Variants in CMIP observed in about 807,000 individuals in gnomAD.
The protein encoded by CMIP is C-Maf-inducing protein.
Under a neutral mutation model 97.3 loss-of-function variants are expected in CMIP, and 13 were observed. The ratio of observed to expected loss-of-function variants is 0.13; its 90% CI spans 0.09 to 0.21. The LOEUF is 0.21. Ranked by LOEUF, CMIP falls within the 10% of genes least tolerant of loss-of-function variation. CMIP has a pLI of 1.00. For missense variants in CMIP, 847 were observed against 1,024.9 expected, an observed-to-expected ratio of 0.83 and a Z score of 2.37; for synonymous variants, 538 against 436.3, an observed-to-expected ratio of 1.23 and a Z score of -2.91.
chr16:81,461,198 C>T (rs1310839473), intron 1 of CMIP, among the ~76,000 whole-genome samples: 1 of 152,204 alleles, frequency 6.6e-6, no homozygotes, highest in East Asian at 1.9e-4. Context: ...TGTGGCAGGG[C>T]TGTGTGCATG....
chr16:81,648,746 A>G (rs566053180), intron 3 of CMIP, among the ~76,000 whole-genome samples: 3 of 133,768 alleles, frequency 2.2e-5, no homozygotes, highest in Non-Finnish European at 3.1e-5. Context: ...TCTCACCACT[A>G]CACTCCAGCT....
intron 1 of CMIP, among the ~76,000 whole-genome samples, chr16:81,496,966 A>G (rs865846856): frequency 7.2e-5 from 11 of 152,378 alleles, no homozygotes; most frequent in Middle Eastern, 6.8e-3. Flanking sequence ...TGGGGGGTTC[A>G]ACAGTTGGAA....
intron 5 of CMIP, among the ~76,000 whole-genome samples, chr16:81,659,478 G>C (rs985796994): frequency 6.6e-6 from 1 of 152,190 alleles, no homozygotes; most frequent in Admixed American, 6.5e-5. Flanking sequence ...ATAGATAGGA[G>C]AATGTCAGGT....
intron 14 of CMIP, chr16:81,697,629 A>G (rs983619865): frequency 6.6e-6 from 1 of 152,180 alleles, no homozygotes; most frequent in African/African-American, 2.4e-5. Context: ...ATCGCATGCA[A>G]CAGTAGATGC....
chr16:81,589,041 A>G (rs1268839338), intron 1 of CMIP, among the ~76,000 whole-genome samples: 1 of 151,818 alleles, frequency 6.6e-6, no homozygotes, highest in Non-Finnish European at 1.5e-5. Flanking sequence ...GGCCATAAAC[A>G]TATTCCGGTG....
chr16:81,445,611 C>A, intron 1 of CMIP, 70 bp downstream of exon 1: 2 of 1,475,674 alleles, frequency 1.4e-6, no homozygotes, highest in African/African-American at 1.4e-5. Flanking sequence ...CTGGCTGCCC[C>A]CTGGCGCTGC....
intron 3 of CMIP, among the ~76,000 whole-genome samples, chr16:81,650,388 A>G (rs1425178112): frequency 1.3e-5 from 2 of 152,216 alleles, no homozygotes; most frequent in Non-Finnish European, 2.9e-5. Flanking sequence ...GAGGAAAGAA[A>G]GGTGGGCAGG....
Position 81,709,576 on chromosome 16 carries a change from G to C in CMIP, c.2269-170G>C, listed in dbSNP as rs1165477018. On this transcript the variant is annotated intron_variant, in intron 20 of 20. Coordinates refer to ENST00000537098, the MANE Select transcript of CMIP (RefSeq NM_198390.3). ...GGCCAGGGCACATCCCACCTGCTCT[G>C]TTCTCTGCCTAAGGCCACCCACCCC... 2.6e-5 allele frequency among the ~76,000 whole-genome samples: 4 copies of C among 152,222 alleles called. No homozygotes were observed. The East Asian group carries it at 7.7e-4, about 29-fold the overall frequency.
intron 9 of CMIP, 142 bp downstream of exon 9, chr16:81,672,212 G>C (rs2092689459): frequency 3.6e-6 from 2 of 554,586 alleles, no homozygotes; most frequent in African/African-American, 1.9e-5. Context: ...GTGTTTGCCA[G>C]TTCCCCTGGG....
At chr16:81,542,962 T>G (rs190326673) in intron 1 of CMIP, among the ~76,000 whole-genome samples, 22 of 152,330 alleles carry the variant, frequency 1.4e-4, no homozygotes, top group African/African-American at 5.3e-4. Context: ...TAGCTTGACT[T>G]GTGGCTTCAC....
chr16:81,709,437 G>T (rs1196861507), intron 20 of CMIP, among the ~76,000 whole-genome samples: 1 of 152,298 alleles, frequency 6.6e-6, no homozygotes, highest in Non-Finnish European at 1.5e-5. Flanking sequence ...CCACGGTCAC[G>T]CAGCAGCAAG....
chr16:81,533,150 A>G (rs559104145), intron 1 of CMIP, among the ~76,000 whole-genome samples: 1 of 152,122 alleles, frequency 6.6e-6, no homozygotes, highest in Non-Finnish European at 1.5e-5. Context: ...TCTCCTGAGC[A>G]TATGTTATCA....
intron 1 of CMIP, among the ~76,000 whole-genome samples, chr16:81,504,662 A>AAAAAAAC (rs2089674627): frequency 7.0e-6 from 1 of 142,528 alleles, no homozygotes; most frequent in African/African-American, 2.5e-5. Context: ...AAAAAAAAAA[A>AAAAAAAC]AAAAGAAAAG....
chr16:81,680,530 G>T (rs1904770568), intron 10 of CMIP, among the ~76,000 whole-genome samples: 1 of 152,216 alleles, frequency 6.6e-6, no homozygotes. Context: ...AAAGGGTGGG[G>T]TGTGCCCAGG....
intron 1 of CMIP, among the ~76,000 whole-genome samples, chr16:81,567,460 C>T (rs1308523644): frequency 6.6e-6 from 1 of 152,254 alleles, no homozygotes; most frequent in African/African-American, 2.4e-5. Flanking sequence ...CTCAGGAAAA[C>T]AGTGTGGCCT....
rs569260870 is a variant in CMIP at position 81,539,267 on chromosome 16, C to T, written c.301-68300C>T. Among the ~76,000 whole-genome samples the T allele has an allele frequency of 9.2e-5, 14 of 152,274 alleles. 1 individual carries two copies. In the South Asian group the frequency reaches 2.1e-3, roughly 23 times the overall value. Reference sequence around the variant, plus strand: ...CATTTTGGGAATGTTTCCATCAGCCCGGCAGTCTGAAGGTTTGAGCGGAAT... The same window carrying T: ...CATTTTGGGAATGTTTCCATCAGCCTGGCAGTCTGAAGGTTTGAGCGGAAT... On this transcript the variant is annotated intron_variant, in intron 1 of 20. Transcript: ENST00000537098.
At chr16:81,484,970 A>C (rs932268118) in intron 1 of CMIP, among the ~76,000 whole-genome samples, 5 of 151,412 alleles carry the variant, frequency 3.3e-5, no homozygotes, top group Admixed American at 2.0e-4. Flanking sequence ...TTTCTGTCCA[A>C]GGCTTTCTTG....
rs185802234 is a variant in CMIP, at chr16:81,551,858, A to G, written c.301-55709A>G. Among the ~76,000 whole-genome samples the G allele has an allele frequency of 1.7e-3, 261 of 152,284 alleles. 1 individual carries two copies. Among genetic ancestry groups the G allele is most frequent in the African/African-American group, 6.0e-3 (251 of 41,548 alleles). On this transcript the variant is annotated intron_variant, in intron 1 of 20. Coordinates refer to ENST00000537098, the MANE Select transcript of CMIP (RefSeq NM_198390.3). ...TGCTCCCATAGACAGTTCCCCATGCATCCTCAGATGGGTGAGGCTCTGCTG... is the reference window on the plus strand; with the variant it reads ...TGCTCCCATAGACAGTTCCCCATGCGTCCTCAGATGGGTGAGGCTCTGCTG...
chr16:81,471,436 A>G (rs530689594), intron 1 of CMIP, among the ~76,000 whole-genome samples: 1 of 152,332 alleles, frequency 6.6e-6, no homozygotes, highest in East Asian at 1.9e-4. Context: ...ATGCACATAC[A>G]TTTGTACATG....
Sources: allele counts gnomAD v4.1 joint callset (sites outside exome capture counted in the v4.1 genomes callset), GRCh38; gene constraint gnomAD v4.1.1; transcripts MANE v1.5; gene names NCBI Gene and HGNC (gene_info 2026-07-23, HGNC 2026-07-21).